SEPTIN11: variants seen among roughly 807,000 people sequenced by gnomAD.
The protein encoded by SEPTIN11 is septin 11, also known as septin-11.
Under a neutral mutation model 51.4 loss-of-function variants are expected in SEPTIN11, and 25 were observed. The observed-to-expected ratio is 0.49, with a 90% CI of 0.35 to 0.68. SEPTIN11 has a LOEUF of 0.68. SEPTIN11 is among the 30% of genes least tolerant of loss of function. The pLI, the probability that SEPTIN11 is intolerant of heterozygous loss-of-function variation, is 0.00. For synonymous variants in SEPTIN11, 174 were observed against 184.1 expected (o/e 0.95, Z 0.44); for missense variants, 381 against 520.8 (o/e 0.73, Z 2.61).
At chr4:76,954,372 A>T (rs1440378329) in intron 1 of SEPTIN11, among the ~76,000 whole-genome samples, 2 of 152,218 alleles carry the variant, frequency 1.3e-5, no homozygotes, top group Non-Finnish European at 2.9e-5. Context: ...GGGTTAGCAA[A>T]GCTGAACCAT....
intron 1 of SEPTIN11, among the ~76,000 whole-genome samples, chr4:76,954,515 T>G (rs1356400273): frequency 6.6e-6 from 1 of 151,938 alleles, no homozygotes; most frequent in Admixed American, 6.6e-5. Context: ...CAAATAACAA[T>G]ACTTCCCCTG....
chr4:76,956,830 C>T (rs1006250315), intron 1 of SEPTIN11, among the ~76,000 whole-genome samples: 1 of 152,180 alleles, frequency 6.6e-6, no homozygotes, highest in Non-Finnish European at 1.5e-5. Context: ...TTTTGAATAA[C>T]AGTTGGCTAG....
At chr4:77,023,408 C>A (rs1233683734) in intron 7 of SEPTIN11, among the ~76,000 whole-genome samples, 3 of 148,096 alleles carry the variant, frequency 2.0e-5, no homozygotes, top group Non-Finnish European at 4.5e-5. Flanking sequence ...TATACACACA[C>A]ATATATATTA....
At chr4:77,013,719 C>T (rs752338909) in intron 4 of SEPTIN11, among the ~76,000 whole-genome samples, 1 of 152,098 alleles carries the variant, frequency 6.6e-6, no homozygotes, top group South Asian at 2.1e-4. Flanking sequence ...TCATCTCATT[C>T]GGGTTTATCA....
Position 77,034,665 on chromosome 4 carries a change from G to A in SEPTIN11, c.*153G>A, listed in dbSNP as rs1435758536. ...CTATTATTAACTCGTTTTGCTGAAT[G>A]TTGTTGGGTGGTAGAAAATGATAGA... On this transcript the variant is annotated 3_prime_UTR_variant, in exon 10 of 10. Coordinates refer to ENST00000264893, the MANE Select transcript of SEPTIN11 (RefSeq NM_018243.4). 7.6e-7 allele frequency: 1 copy of A among 1,320,996 alleles called. No homozygotes were observed. The highest frequency in any genetic ancestry group is 3.1e-5 in the East Asian group (1 of 32,344). The allele number at this position is 1,320,996 out of a possible 1,614,324, so 81.8% of individuals were successfully genotyped here.
chr4:77,006,977 G>A (rs1263008011), intron 3 of SEPTIN11, among the ~76,000 whole-genome samples: 1 of 152,172 alleles, frequency 6.6e-6, no homozygotes, highest in Non-Finnish European at 1.5e-5. Flanking sequence ...AGGAACAATT[G>A]GTAGATAGAG....
At position 76,949,767 on chromosome 4, in the gene SEPTIN11, G is replaced by A. The variant is rs932529974; in HGVS notation, c.-137G>A. Reference sequence around the variant, plus strand: ...GGCGTGGGGGGAGCAGATGCCGCTGGCTGCCAGCGGGACGCCGGCGAGCAG... The same window carrying A: ...GGCGTGGGGGGAGCAGATGCCGCTGACTGCCAGCGGGACGCCGGCGAGCAG... On this transcript the variant is annotated 5_prime_UTR_variant, in exon 1 of 10. Coordinates refer to ENST00000264893, the MANE Select transcript of SEPTIN11 (RefSeq NM_018243.4). The A allele has an allele frequency of 6.7e-6, 6 of 892,382 alleles. No homozygotes were observed. The highest frequency in any genetic ancestry group is 5.3e-5 in the African/African-American group (3 of 56,138). The allele number at this position is 892,382 out of a possible 1,614,324, so 55.3% of individuals were successfully genotyped here. A position where few individuals can be genotyped will look rare whatever the true frequency, so the allele number is the denominator to read the frequency against.
intron 1 of SEPTIN11, among the ~76,000 whole-genome samples, chr4:76,987,504 G>A (rs138574963): frequency 6.6e-6 from 1 of 152,158 alleles, no homozygotes; most frequent in Non-Finnish European, 1.5e-5. Context: ...TGGCTTCATA[G>A]CTGTGGTTTG....
intron 1 of SEPTIN11, chr4:76,974,867 A>T: frequency 1.3e-5 from 6 of 456,596 alleles, no homozygotes; most frequent in Non-Finnish European, 2.6e-5. Context: ...TCATGCCTGT[A>T]ATCCCAACAC....
intron 1 of SEPTIN11, among the ~76,000 whole-genome samples, chr4:76,974,172 A>G (rs1235218312): frequency 6.6e-6 from 1 of 152,176 alleles, no homozygotes; most frequent in African/African-American, 2.4e-5. Flanking sequence ...GGTGGTGTTC[A>G]TAAGTTCTAC....
At chr4:76,999,482 G>A (rs989823496) in intron 2 of SEPTIN11, among the ~76,000 whole-genome samples, 3 of 152,140 alleles carry the variant, frequency 2.0e-5, no homozygotes, top group African/African-American at 7.2e-5. Flanking sequence ...TGCACAGTAT[G>A]CACATGTGTG....
chr4:77,015,690 T>G (rs978582392), intron 5 of SEPTIN11, among the ~76,000 whole-genome samples: 1 of 152,112 alleles, frequency 6.6e-6, no homozygotes, highest in Non-Finnish European at 1.5e-5. Flanking sequence ...ATAACATCCA[T>G]GAAAGCCACA....
intron 1 of SEPTIN11, among the ~76,000 whole-genome samples, chr4:76,961,626 C>T (rs1247669296): frequency 6.6e-6 from 1 of 152,216 alleles, no homozygotes; most frequent in Non-Finnish European, 1.5e-5. Context: ...TGCGGTTGTG[C>T]AAAATCATCT....
At chr4:76,996,749 T>A (rs1330061416) in intron 2 of SEPTIN11, among the ~76,000 whole-genome samples, 1 of 152,244 alleles carries the variant, frequency 6.6e-6, no homozygotes, top group Non-Finnish European at 1.5e-5. Flanking sequence ...TTTTGTCATG[T>A]TACTCAAATT....
At chr4:77,022,832 A>T (rs1457521579) in intron 7 of SEPTIN11, among the ~76,000 whole-genome samples, 1 of 152,064 alleles carries the variant, frequency 6.6e-6, no homozygotes, top group African/African-American at 2.4e-5. Flanking sequence ...CTATGATGCT[A>T]TCCTTAGCTA....
At position 77,034,798 on chromosome 4, in the gene SEPTIN11, C is replaced by A; in HGVS notation, c.*286C>A. The A allele has an allele frequency of 8.9e-7, 1 of 1,121,574 alleles. No individual in the cohort carries two copies. The highest frequency in any genetic ancestry group is 1.1e-6 in the Non-Finnish European group (1 of 918,016). The allele number at this position is 1,121,574 out of a possible 1,614,324, so 69.5% of individuals were successfully genotyped here. A position where few individuals can be genotyped will look rare whatever the true frequency, so the allele number is the denominator to read the frequency against. ...ATGGCAGCACGAAGCAGGCCTGTTA[C>A]TTGTATGTCGCTTTGGACAGAGGAA... is the stretch of plus-strand genomic sequence containing the variant. On this transcript the variant is annotated 3_prime_UTR_variant, in exon 10 of 10. Coordinates refer to ENST00000264893, the MANE Select transcript of SEPTIN11 (RefSeq NM_018243.4).
chr4:77,005,838 A>G (rs1172850861), intron 3 of SEPTIN11, 42 bp downstream of exon 3: 4 of 1,560,648 alleles, frequency 2.6e-6, no homozygotes, highest in East Asian at 4.5e-5. Context: ...GGATGAGGAG[A>G]TAGCAGGATC....
At chr4:76,985,968 T>C (rs938282891) in intron 1 of SEPTIN11, among the ~76,000 whole-genome samples, 16 of 152,210 alleles carry the variant, frequency 1.1e-4, no homozygotes, top group Admixed American at 1.3e-4. Flanking sequence ...GTTGTAGTTA[T>C]GTCCAAAGGG....
intron 5 of SEPTIN11, among the ~76,000 whole-genome samples, chr4:77,017,657 T>C (rs2703156): frequency 0.55 from 84,333 of 152,114 alleles, 23,932 homozygotes; most frequent in Middle Eastern, 0.62. Flanking sequence ...GCCAAGTTCT[T>C]TGTAGGAGAG....
Sources: allele counts gnomAD v4.1 joint callset (sites outside exome capture counted in the v4.1 genomes callset), GRCh38; gene constraint gnomAD v4.1.1; transcripts MANE v1.5; gene names NCBI Gene and HGNC (gene_info 2026-07-23, HGNC 2026-07-21).